Variants in ZBTB37 observed in about 807,000 individuals in gnomAD.
ZBTB37 encodes the protein zinc finger and BTB domain-containing protein 37.
Under a neutral mutation model 37.7 loss-of-function variants are expected in ZBTB37, and 15 were observed. The observed-to-expected ratio is 0.40, with a 90% CI of 0.27 to 0.61. ZBTB37 has a LOEUF of 0.61. Among genes scored for constraint, ZBTB37 ranks in the 20% least tolerant of loss-of-function variants. ZBTB37 has a pLI of 0.44. For missense variants in ZBTB37, 514 were observed against 641.9 expected (o/e 0.80, Z 2.15); for synonymous variants, 231 against 220.6 (o/e 1.05, Z -0.42).
chr1:173,871,984 C>G (rs770768002), intron 3 of ZBTB37, among the ~76,000 whole-genome samples: 7 of 152,178 alleles, frequency 4.6e-5, no homozygotes, highest in Non-Finnish European at 1.0e-4. Context: ...AACTAAAAAA[C>G]TATTACTTTG....
exon 4 of ZBTB37, chr1:173,895,222 T>A (rs1186812255): frequency 1.3e-5 from 2 of 152,146 alleles, no homozygotes; most frequent in African/African-American, 4.8e-5. Context: ...TCCTACCTCA[T>A]CCTCCCAAGT....
rs1655711411 is a variant in ZBTB37 at position 173,873,570 on chromosome 1, T to C, written c.1023+4T>C. 1.9e-6 allele frequency: 3 copies of C among 1,613,916 alleles called. No individual in the cohort carries two copies. Among genetic ancestry groups the C allele is most frequent in the Non-Finnish European group, 2.5e-6 (3 of 1,179,984 alleles). On this transcript the variant is annotated splice_donor_region_variant and intron_variant, in intron 4 of 4. Coordinates refer to ENST00000427304, the Ensembl canonical transcript of ZBTB37. ...GCCTAAGCAACCCAGCTCCCAGGTA[T>C]GGAGTTGTGGATTTAGAACTGCTTT...
At chr1:173,895,766 A>T (rs1657021004) in exon 4 of ZBTB37, 1 of 152,160 alleles carries the variant, frequency 6.6e-6, no homozygotes, top group Non-Finnish European at 1.5e-5. Context: ...CAGATCATTG[A>T]AGTTTTTTGA....
chr1:173,875,416 C>T (rs1281525090), intron 4 of ZBTB37, among the ~76,000 whole-genome samples: 1 of 148,488 alleles, frequency 6.7e-6, no homozygotes, highest in African/African-American at 2.5e-5. Context: ...ATCTCTGCCT[C>T]CTGGGTTCAA....
chr1:173,878,857 G>C (rs1047267986), intron 4 of ZBTB37, among the ~76,000 whole-genome samples: 5 of 152,148 alleles, frequency 3.3e-5, no homozygotes, highest in African/African-American at 1.2e-4. Context: ...GCTGAGATGG[G>C]CGGATCACTT....
rs188914472 is a variant in ZBTB37 at position 173,882,586 on chromosome 1, G to A, written c.1024-3050G>A. On this transcript the variant is annotated intron_variant, in intron 4 of 4. Transcript: ENST00000427304. The stretch of plus-strand genomic sequence containing the variant: ...GTGCAGAAGCTCTTTAGTTTAATTA[G>A]ATCCCGTTTGTCTATTTTGGCTTTT... 3.5e-3 allele frequency among the ~76,000 whole-genome samples: 527 copies of A among 152,190 alleles called. 2 individuals carry two copies. Among genetic ancestry groups the A allele is most frequent in the Non-Finnish European group, 5.1e-3 (350 of 68,002 alleles).
At chr1:173,891,125 CTGT>C (rs1656825171), downstream of ZBTB37, 1 of 151,980 alleles carries the variant, frequency 6.6e-6, no homozygotes, top group African/African-American at 2.4e-5. Context: ...TAGAATTGGC[CTGT>C]TGTTTGTCCT....
chr1:173,882,068 A>C (rs1164402360), intron 4 of ZBTB37, among the ~76,000 whole-genome samples: 2 of 151,284 alleles, frequency 1.3e-5, no homozygotes, highest in African/African-American at 4.9e-5. Flanking sequence ...AAAAAAAGAG[A>C]AGTATCTATT....
exon 3 of ZBTB37, chr1:173,870,294 C>G: frequency 6.2e-7 from 1 of 1,614,184 alleles, no homozygotes; most frequent in Non-Finnish European, 8.5e-7. Flanking sequence ...GCCATCTAAA[C>G]CAGTTGCGCA....
intron 3 of ZBTB37, among the ~76,000 whole-genome samples, chr1:173,871,661 C>T (rs941987): frequency 0.11 from 16,063 of 152,218 alleles, 1,188 homozygotes; most frequent in East Asian, 0.36. Flanking sequence ...TGAAGAAAAG[C>T]GTTATGGATA....
intron 4 of ZBTB37, among the ~76,000 whole-genome samples, chr1:173,875,844 A>T (rs530731556): frequency 5.3e-5 from 8 of 151,622 alleles, no homozygotes; most frequent in East Asian, 2.0e-4. Flanking sequence ...TTTTTAGTGG[A>T]AATGGCGTTG....
chr1:173,875,116 A>ATGTGTGTG (rs71111072), intron 4 of ZBTB37, among the ~76,000 whole-genome samples: 4 of 137,052 alleles, frequency 2.9e-5, no homozygotes, highest in Non-Finnish European at 3.1e-5. Context: ...TCTGATTATT[A>ATGTGTGTG]TGTGTGTGTG....
chr1:173,881,501 C>T (rs912805855), intron 4 of ZBTB37, among the ~76,000 whole-genome samples: 19 of 152,194 alleles, frequency 1.2e-4, no homozygotes, highest in Non-Finnish European at 2.2e-4. Context: ...AATGGTATTT[C>T]TAGTTCTGGA....
At chr1:173,885,870 A>G (rs1053842208) in exon 5 of ZBTB37, 1 of 1,551,774 alleles carries the variant, frequency 6.4e-7, no homozygotes, top group African/African-American at 1.4e-5. Context: ...GGAGTATCAT[A>G]TCCGCAAGCA....
At chr1:173,878,979 T>TA (rs1178072172) in intron 4 of ZBTB37, among the ~76,000 whole-genome samples, 1 of 150,784 alleles carries the variant, frequency 6.6e-6, no homozygotes, top group Non-Finnish European at 1.5e-5. Flanking sequence ...TAATCCCAGA[T>TA]ACTTGGGAGG....
chr1:173,870,569 T>C (rs777139539), exon 3 of ZBTB37: 1 of 1,614,206 alleles, frequency 6.2e-7, no homozygotes, highest in East Asian at 2.2e-5. Flanking sequence ...CAGCATATTA[T>C]AGACAAATGT....
intron 4 of ZBTB37, among the ~76,000 whole-genome samples, chr1:173,881,411 C>T (rs151169323): frequency 0.026 from 3,951 of 152,288 alleles, 68 homozygotes; most frequent in Non-Finnish European, 0.037. Flanking sequence ...TCGCAATAAA[C>T]ATAACGTGTG....
At chr1:173,885,567 T>C (rs1350961030) in intron 4 of ZBTB37, 69 bp from the exon 5 acceptor site, 1 of 1,302,302 alleles carries the variant, frequency 7.7e-7, no homozygotes, top group East Asian at 2.5e-5. Context: ...AAAAATAGAT[T>C]TGATTGCTTT....
chr1:173,885,532 A>G, intron 4 of ZBTB37, 104 bp from the exon 5 acceptor site: 3 of 959,420 alleles, frequency 3.1e-6, no homozygotes, highest in Non-Finnish European at 4.6e-6. Context: ...GCCACTAAAA[A>G]GGTACATATA....
Sources: allele counts gnomAD v4.1 joint callset (sites outside exome capture counted in the v4.1 genomes callset), GRCh38; gene constraint gnomAD v4.1.1; transcripts MANE v1.5; gene names NCBI Gene and HGNC (gene_info 2026-07-23, HGNC 2026-07-21).